Variants in GALNT12 observed in about 807,000 individuals in gnomAD.
The protein encoded by GALNT12 is UDP-GalNAc:polypeptide N-acetylgalactosaminyltransferase 12.
Under a neutral mutation model 55.5 loss-of-function variants are expected in GALNT12, and 45 were observed. The ratio of observed to expected loss-of-function variants is 0.81; its 90% CI spans 0.64 to 1.04. The LOEUF is 1.04. Ranked by LOEUF, GALNT12 falls within the 50% of genes least tolerant of loss-of-function variation. GALNT12 has a pLI of 0.00. For missense variants in GALNT12, 709 were observed against 754.8 expected (o/e 0.94, Z 0.71); for synonymous variants, 304 against 312.2 (o/e 0.97, Z 0.28).
Position 98,821,887 on chromosome 9 carries a change from A to G in GALNT12, c.372-1369A>G, listed in dbSNP as rs557008449. Among the ~76,000 whole-genome samples, 362 of 152,068 alleles carry G rather than the reference A, an allele frequency of 2.4e-3. 1 individual carries two copies. The highest frequency in any genetic ancestry group is 4.1e-3 in the Non-Finnish European group (280 of 67,992). ...TCTCCTTTCCATTTTCCATAGCACA[A>G]TCACTTTCTGTAATTCCTGATTTGT... is the stretch of plus-strand genomic sequence containing the variant. On this transcript the variant is annotated intron_variant, in intron 1 of 9. Transcript: ENST00000375011.
chr9:98,844,866 A>C (rs1836376388), intron 8 of GALNT12, among the ~76,000 whole-genome samples: 1 of 152,110 alleles, frequency 6.6e-6, no homozygotes, highest in South Asian at 2.1e-4. Context: ...CCTGGAAAGC[A>C]GTTGACAGGA....
At chr9:98,811,802 C>T (rs1207621365) in intron 1 of GALNT12, among the ~76,000 whole-genome samples, 1 of 151,680 alleles carries the variant, frequency 6.6e-6, no homozygotes, top group Non-Finnish European at 1.5e-5. Context: ...CCTGCCTCAG[C>T]CTCCCGAGTA....
chr9:98,833,269 C>T (rs961221451), intron 4 of GALNT12, among the ~76,000 whole-genome samples: 3 of 152,158 alleles, frequency 2.0e-5, no homozygotes, highest in South Asian at 4.1e-4. Context: ...TGTGTTGAAC[C>T]GGAAGTAGGC....
chr9:98,837,790 A>G (rs1431314084), intron 6 of GALNT12, among the ~76,000 whole-genome samples: 2 of 152,238 alleles, frequency 1.3e-5, no homozygotes, highest in African/African-American at 2.4e-5. Context: ...CTTGTTATAT[A>G]TCACCTGGAA....
At chr9:98,814,003 A>T (rs1347153104) in intron 1 of GALNT12, among the ~76,000 whole-genome samples, 1 of 152,234 alleles carries the variant, frequency 6.6e-6, no homozygotes, top group Non-Finnish European at 1.5e-5. Flanking sequence ...TAAATATAAA[A>T]GAAAATATAT....
At position 98,835,118 on chromosome 9, in the gene GALNT12, C is replaced by A. The variant is rs7033393; in HGVS notation, c.918-131C>A. 2,560 of 771,478 alleles carry A rather than the reference C, an allele frequency of 3.3e-3. 44 individuals carry two copies. The African/African-American group carries it at 0.038, about 11-fold the overall frequency. 47.8% of individuals were successfully genotyped at this position (771,478 alleles called of 1,614,324 possible). On this transcript the variant is annotated intron_variant, in intron 4 of 9. Transcript: ENST00000375011. ...TCCAGGCCCAGCCTAGTGTGGGGCA[C>A]AGAGGTGAAGGCGGGATATGCTTAG...
At chr9:98,823,494 A>T in intron 2 of GALNT12, 69 bp downstream of exon 2, 2 of 1,428,388 alleles carry the variant, frequency 1.4e-6, no homozygotes, top group Non-Finnish European at 2.0e-6. Context: ...TGAGAGTGGG[A>T]TGCAGGAGGG....
chr9:98,818,884 T>C (rs1835673782), intron 1 of GALNT12, among the ~76,000 whole-genome samples: 2 of 152,196 alleles, frequency 1.3e-5, no homozygotes, highest in African/African-American at 4.8e-5. Context: ...TTGGAATCTC[T>C]CTTGAGATTA....
chr9:98,812,975 G>C (rs1464472953), intron 1 of GALNT12, among the ~76,000 whole-genome samples: 1 of 152,066 alleles, frequency 6.6e-6, no homozygotes, highest in Non-Finnish European at 1.5e-5. Context: ...TTTTAATTCT[G>C]TCTTGCTTTT....
chr9:98,847,645 A>G (rs1021393842), intron 9 of GALNT12, among the ~76,000 whole-genome samples: 3 of 152,196 alleles, frequency 2.0e-5, no homozygotes, highest in Non-Finnish European at 4.4e-5. Flanking sequence ...TTTGATTCAT[A>G]TGTGAAAAGG....
chr9:98,823,456 C>T, intron 2 of GALNT12, 31 bp downstream of exon 2: 1 of 1,598,892 alleles, frequency 6.3e-7, no homozygotes, highest in Non-Finnish European at 8.6e-7. Context: ...TGGGAAGAGC[C>T]TGTCCTTCTG....
At chr9:98,810,563 G>A (rs1466656233) in intron 1 of GALNT12, among the ~76,000 whole-genome samples, 1 of 152,230 alleles carries the variant, frequency 6.6e-6, no homozygotes, top group East Asian at 1.9e-4. Context: ...GACTTTTAAT[G>A]AAAGTCTTTA....
chr9:98,845,469 A>G (rs372744814), intron 8 of GALNT12, among the ~76,000 whole-genome samples: 266 of 152,308 alleles, frequency 1.7e-3, no homozygotes, highest in African/African-American at 6.1e-3. Context: ...ACACTCAGGT[A>G]GGAAAACCAT....
chr9:98,820,668 C>T (rs527802715), intron 1 of GALNT12, among the ~76,000 whole-genome samples: 4 of 152,222 alleles, frequency 2.6e-5, no homozygotes, highest in African/African-American at 4.8e-5. Context: ...TTTGAGGAAT[C>T]GCCACACTCT....
rs1253046753 is a variant in GALNT12, at chr9:98,849,964, A to G, written c.*872A>G. The G allele has an allele frequency of 4.6e-6, 1 of 217,796 alleles. No homozygotes were observed. Among genetic ancestry groups the G allele is most frequent in the Non-Finnish European group, 9.2e-6 (1 of 108,820 alleles). 13.5% of individuals were successfully genotyped at this position (217,796 alleles called of 1,614,324 possible). A position where few individuals can be genotyped will look rare whatever the true frequency, so the allele number is the denominator to read the frequency against. On this transcript the variant is annotated 3_prime_UTR_variant, in exon 10 of 10. Transcript: ENST00000375011. ...TCAGCGTTAGAGTTTGTGCTGCTGC[A>G]ACTGCTGTGAAAATTTCTCTGAGTA...
chr9:98,825,764 C>T (rs541944221), intron 2 of GALNT12, among the ~76,000 whole-genome samples: 4 of 152,036 alleles, frequency 2.6e-5, no homozygotes, highest in Admixed American at 6.5e-5. Flanking sequence ...TGCTTGAGCC[C>T]GGGAATTTGA....
At chr9:98,808,106 G>T (rs1215591006) in intron 1 of GALNT12, 37 bp downstream of exon 1, 1 of 1,511,780 alleles carries the variant, frequency 6.6e-7, no homozygotes, top group South Asian at 1.2e-5. Flanking sequence ...CCCGCCCTCA[G>T]AGCCCCGGGC....
intron 4 of GALNT12, among the ~76,000 whole-genome samples, chr9:98,832,343 G>A (rs913385701): frequency 6.6e-6 from 1 of 152,016 alleles, no homozygotes; most frequent in Non-Finnish European, 1.5e-5. Context: ...AACATAGCAA[G>A]AACCTATCTC....
chr9:98,848,850 T>C (rs1836481102), intron 9 of GALNT12, 102 bp from the exon 10 acceptor site: 1 of 1,390,114 alleles, frequency 7.2e-7, no homozygotes, highest in Non-Finnish European at 1.0e-6. Context: ...TCAATAAATA[T>C]TTCTGAAATG....
Sources: allele counts gnomAD v4.1 joint callset (sites outside exome capture counted in the v4.1 genomes callset), GRCh38; gene constraint gnomAD v4.1.1; transcripts MANE v1.5; gene names NCBI Gene and HGNC (gene_info 2026-07-23, HGNC 2026-07-21).